Variants in NKAP observed in about 807,000 individuals in gnomAD.
NKAP encodes NF-kappa-B-activating protein.
NKAP carries 4 observed loss-of-function variants against 35.6 expected under a neutral mutation model. The ratio of observed to expected loss-of-function variants is 0.11; its 90% CI spans 0.06 to 0.26. The LOEUF is 0.26. NKAP is among the 10% of genes least tolerant of loss of function. The pLI is 1.00. For synonymous variants in NKAP, 106 were observed against 119.2 expected, an observed-to-expected ratio of 0.89 and a Z score of 0.72; for missense variants, 238 against 321.9, an observed-to-expected ratio of 0.74 and a Z score of 1.99.
intron 1 of NKAP, among the ~76,000 whole-genome samples, chrX:119,940,785 T>G (rs2056789422): frequency 8.9e-6 from 1 of 112,069 alleles, no homozygotes; most frequent in Non-Finnish European, 1.9e-5. Flanking sequence ...GTACTTGGAA[T>G]GTATGGATAT....
At chrX:119,928,255 T>C (rs918182707) in intron 8 of NKAP, among the ~76,000 whole-genome samples, 27 of 112,566 alleles carry the variant, frequency 2.4e-4, no homozygotes, top group Non-Finnish European at 3.7e-4. Flanking sequence ...TTCATTTTTA[T>C]TGGAACTGTA....
chrX:119,927,666 A>G (rs1157873473), intron 8 of NKAP, among the ~76,000 whole-genome samples: 1 of 112,569 alleles, frequency 8.9e-6, no homozygotes, highest in African/African-American at 3.2e-5. Context: ...CCACTGAACA[A>G]TTCAGTTGTT....
rs1402528195 is a variant in NKAP, at chrX:119,939,928, T to C, written c.387-1118A>G. Among the ~76,000 whole-genome samples the C allele has an allele frequency of 7.4e-5, 8 of 108,737 alleles. No homozygotes were observed. In the Admixed American group the frequency reaches 7.7e-4, roughly 11 times the overall value. 94.4% of individuals were successfully genotyped at this position (108,737 alleles called of 115,157 possible). A position where few individuals can be genotyped will look rare whatever the true frequency, so the allele number is the denominator to read the frequency against. ...AAAAAAAAGAGGTCTTGCTTTGTTGTCCAGGCTGATCTTGAACTCCTGGCC... is the reference window on the plus strand; with the variant it reads ...AAAAAAAAGAGGTCTTGCTTTGTTGCCCAGGCTGATCTTGAACTCCTGGCC... On this transcript the variant is annotated intron_variant, in intron 1 of 8. Transcript: ENST00000371410.
rs1603379206 is a variant in NKAP, at chrX:119,924,149, T to C, written c.*1071A>G. 9.0e-6 allele frequency: 1 copy of C among 111,173 alleles called. No individual in the cohort carries two copies. Among genetic ancestry groups the C allele is most frequent in the Admixed American group, 9.7e-5 (1 of 10,286 alleles). The allele number at this position is 111,173 out of a possible 1,213,427, so 9.2% of individuals were successfully genotyped here. On this transcript the variant is annotated 3_prime_UTR_variant, in exon 9 of 9. Transcript: ENST00000371410. Reference sequence around the variant, plus strand: ...ATTCCAGATTTGCTTTTCGCAGCAATGCCTTCATTTTGTTAACAAAAGTGG... The same window carrying C: ...ATTCCAGATTTGCTTTTCGCAGCAACGCCTTCATTTTGTTAACAAAAGTGG...
chrX:119,943,617 G>C lies in NKAP; in HGVS notation c.-12C>G. Reference sequence around the variant, plus strand: ...GACACCGGAGCCATGGCTACTGGGGGGCCCCAGCAGCCGTGGGACAAGGGG... The same window carrying C: ...GACACCGGAGCCATGGCTACTGGGGCGCCCCAGCAGCCGTGGGACAAGGGG... On this transcript the variant is annotated 5_prime_UTR_variant, in exon 1 of 9. Coordinates refer to ENST00000371410, the MANE Select transcript of NKAP (RefSeq NM_024528.4). 8.6e-7 allele frequency: 1 copy of C among 1,159,238 alleles called. No homozygotes were observed. The highest frequency in any genetic ancestry group is 2.0e-5 in the South Asian group (1 of 49,988).
At position 119,934,516 on chromosome X, in the gene NKAP, CCTTTTT is replaced by C; in HGVS notation, c.709_714del (p.Lys237_Lys238del). On this transcript the variant is annotated inframe_deletion, in exon 5 of 9. Transcript: ENST00000371410. ...GACGATCTGTGTTTCTTCTTCTTTT[CCTTTTT>C]CTTGGCTTTCTTTGCTCTCCTTTTG... 1.8e-6 allele frequency: 2 copies of C among 1,121,979 alleles called. No homozygotes were observed. Among genetic ancestry groups the C allele is most frequent in the South Asian group, 2.3e-5 (1 of 44,079 alleles). 92.5% of individuals were successfully genotyped at this position (1,121,979 alleles called of 1,213,427 possible).
chrX:119,925,929 C>CTTTTTTTTTTTTTTTTTTTTTATTTTT (rs1305744041), intron 8 of NKAP, among the ~76,000 whole-genome samples: 1 of 46,436 alleles, frequency 2.2e-5, no homozygotes, highest in Non-Finnish European at 3.9e-5. Flanking sequence ...ATCCTTTTTT[C>CTTTTTTTTTTTTTTTTTTTTTATTTTT]TTTTTTTTTT....
chrX:119,930,839 CA>C (rs10707773), intron 7 of NKAP, among the ~76,000 whole-genome samples: 34,965 of 97,097 alleles, frequency 0.36, 4,830 homozygotes, highest in Middle Eastern at 0.43. Flanking sequence ...CAAAACAAAA[CA>C]AAAAAAAAAA....
intron 6 of NKAP, 39 bp downstream of exon 6, chrX:119,932,068 G>T: frequency 8.5e-7 from 1 of 1,178,282 alleles, no homozygotes; most frequent in Non-Finnish European, 1.2e-6. Context: ...TTACTTTAAT[G>T]TTTCATCTGT....
chrX:119,929,408 T>C (rs1392918287), intron 8 of NKAP, among the ~76,000 whole-genome samples: 1 of 112,530 alleles, frequency 8.9e-6, no homozygotes, highest in Non-Finnish European at 1.9e-5. Context: ...TTCAATTTGA[T>C]CTAAGTACTG....
intron 1 of NKAP, among the ~76,000 whole-genome samples, chrX:119,940,910 C>T (rs1476717614): frequency 9.0e-6 from 1 of 111,182 alleles, no homozygotes; most frequent in Non-Finnish European, 1.9e-5. Context: ...GAGGCTGAGG[C>T]TGGTGGATCA....
At chrX:119,937,694 TTTTC>T (rs1399587585) in intron 2 of NKAP, 1 of 110,064 alleles carries the variant, frequency 9.1e-6, no homozygotes, top group Non-Finnish European at 1.9e-5. Context: ...TCTTCAAGTG[TTTTC>T]TTTTTTTTTT....
At chrX:119,929,757 A>G (rs1423947917) in intron 8 of NKAP, among the ~76,000 whole-genome samples, 1 of 112,101 alleles carries the variant, frequency 8.9e-6, no homozygotes, top group African/African-American at 3.2e-5. Context: ...GTAAGCAAAT[A>G]CCAACTAGGA....
intron 1 of NKAP, among the ~76,000 whole-genome samples, chrX:119,939,554 G>A (rs1268169087): frequency 4.5e-5 from 5 of 111,612 alleles, no homozygotes; most frequent in Admixed American, 9.5e-5. Context: ...GATTACAGGC[G>A]TGAGCCACTG....
At chrX:119,931,210 A>C (rs5957274) in intron 7 of NKAP, among the ~76,000 whole-genome samples, 6,143 of 110,292 alleles carry the variant, frequency 0.056, 132 homozygotes, top group African/African-American at 0.069. Context: ...AACAAACAAA[A>C]AAAAAATTCT....
chrX:119,943,184 G>A (rs749681400), intron 1 of NKAP, 36 bp downstream of exon 1: 2 of 1,149,580 alleles, frequency 1.7e-6, no homozygotes, highest in Non-Finnish European at 2.3e-6. Context: ...AAGGCACGTA[G>A]GCTCGTACAA....
At chrX:119,942,751 C>G (rs2056799194) in intron 1 of NKAP, 1 of 113,259 alleles carries the variant, frequency 8.8e-6, no homozygotes, top group Admixed American at 9.5e-5. Context: ...ACATAAATAT[C>G]CTGTTATCTC....
At chrX:119,934,350 T>C (rs1167182608) in intron 5 of NKAP, 144 bp downstream of exon 5, 2 of 338,544 alleles carry the variant, frequency 5.9e-6, no homozygotes, top group African/African-American at 6.7e-5. Flanking sequence ...TGAGAATCGC[T>C]TGAACCTGGG....
intron 2 of NKAP, chrX:119,938,107 C>G (rs920426863): frequency 8.9e-6 from 1 of 112,001 alleles, no homozygotes; most frequent in African/African-American, 3.2e-5. Context: ...GTAGGCTGGG[C>G]GCAGTGGCTC....
Sources: allele counts gnomAD v4.1 joint callset (sites outside exome capture counted in the v4.1 genomes callset), GRCh38; gene constraint gnomAD v4.1.1; transcripts MANE v1.5; gene names NCBI Gene and HGNC (gene_info 2026-07-23, HGNC 2026-07-21).